Variants in SNAPC1 observed in about 807,000 individuals in gnomAD.
SNAPC1 encodes the protein snRNA-activating protein complex subunit 1.
A neutral mutation model predicts 50.1 loss-of-function variants in SNAPC1; 42 were observed. That is an observed-to-expected ratio of 0.84 (90% confidence interval 0.65 to 1.08). SNAPC1 has a LOEUF of 1.08. Ranked by LOEUF, SNAPC1 falls within the 50% of genes least tolerant of loss-of-function variation. The pLI, the probability that SNAPC1 is intolerant of heterozygous loss-of-function variation, is 0.00. For missense variants in SNAPC1, 477 were observed against 427.3 expected, an observed-to-expected ratio of 1.12 and a Z score of -1.02; for synonymous variants, 164 against 144.2, an observed-to-expected ratio of 1.14 and a Z score of -0.98.
At chr14:61,768,478 T>C (rs1207588713) in intron 3 of SNAPC1, among the ~76,000 whole-genome samples, 158 bp from the exon 4 acceptor site, 4 of 152,208 alleles carry the variant, frequency 2.6e-5, no homozygotes, top group Non-Finnish European at 5.9e-5. Flanking sequence ...AGTCTAACAG[T>C]CTTTGGAACG....
chr14:61,767,868 C>T (rs2044960381), intron 3 of SNAPC1, among the ~76,000 whole-genome samples: 1 of 152,210 alleles, frequency 6.6e-6, no homozygotes, highest in African/African-American at 2.4e-5. Flanking sequence ...CAACCTCCGC[C>T]TCCAGGGTTC....
At position 61,778,873 on chromosome 14, in the gene SNAPC1, C is replaced by T. The variant is rs762346560; in HGVS notation, c.788C>T (p.Ala263Val). 5.8e-6 allele frequency: 9 copies of T among 1,555,062 alleles called. No homozygotes were observed. Among genetic ancestry groups the T allele is most frequent in the South Asian group, 1.2e-5 (1 of 80,836 alleles). The change falls in exon 7 of 10, where the codon GCG (alanine) becomes GTG (valine). Residue 263 changes from alanine (A) to valine (V), a missense_variant. Physicochemically the swap from Ala to Val is moderately conservative, Grantham distance 64 (BLOSUM62 0). Coordinates refer to ENST00000216294, the MANE Select transcript of SNAPC1 (RefSeq NM_003082.4). ...AGATGTGAAAGGGCAGAATCATTAG[C>T]GAAAATAAAATCAAAGGCCTTTTCA... ...TERCERAESL[A>V]KIKSKAFSVV...
At chr14:61,776,343 G>A (rs2045035396) in intron 5 of SNAPC1, 90 bp downstream of exon 5, 1 of 1,188,500 alleles carries the variant, frequency 8.4e-7, no homozygotes, top group Non-Finnish European at 1.2e-6. Context: ...CCTAGTTTTA[G>A]AGGCTGTAAT....
chr14:61,767,386 A>C, intron 3 of SNAPC1, 34 bp downstream of exon 3: 1 of 1,335,752 alleles, frequency 7.5e-7, no homozygotes, highest in Non-Finnish European at 9.9e-7. Context: ...TTTTTTCAAA[A>C]TGAGCAATTA....
chr14:61,763,832 A>G (rs1285225614), intron 1 of SNAPC1, among the ~76,000 whole-genome samples: 1 of 152,228 alleles, frequency 6.6e-6, no homozygotes, highest in East Asian at 1.9e-4. Context: ...TTGAGTTTCC[A>G]TATCTGTAAA....
rs1468486702 is a variant in SNAPC1, at chr14:61,778,874, G to A, written c.789G>A (p.Ala263=). 7 of 1,558,288 alleles carry A rather than the reference G, an allele frequency of 4.5e-6. No homozygotes were observed. The highest frequency in any genetic ancestry group is 2.4e-5 in the East Asian group (1 of 41,676). Residue 263 remains alanine (A), a synonymous_variant, in exon 7 of 10, where the codon GCG becomes GCA. Coordinates refer to ENST00000216294, the MANE Select transcript of SNAPC1 (RefSeq NM_003082.4). ...GATGTGAAAGGGCAGAATCATTAGC[G>A]AAAATAAAATCAAAGGCCTTTTCAG... ...TERCERAESL[A]KIKSKAFSVV... is the part of the protein sequence containing the mutation.
chr14:61,780,531 C>T (rs10147716), intron 7 of SNAPC1, among the ~76,000 whole-genome samples: 22,456 of 152,054 alleles, frequency 0.15, 2,014 homozygotes, highest in South Asian at 0.32. Context: ...CGTTTTTTAA[C>T]GGGGTGGTTT....
chr14:61,784,122 A>G (rs949964515), intron 8 of SNAPC1, among the ~76,000 whole-genome samples: 1 of 152,128 alleles, frequency 6.6e-6, no homozygotes, highest in African/African-American at 2.4e-5. Flanking sequence ...CAGTAGCTTG[A>G]AGTGCACTGA....
At chr14:61,789,954 G>C (rs1280999532) in intron 8 of SNAPC1, among the ~76,000 whole-genome samples, 1 of 152,162 alleles carries the variant, frequency 6.6e-6, no homozygotes, top group Non-Finnish European at 1.5e-5. Context: ...GGAGTAACGA[G>C]CGTGTGCCAC....
chr14:61,770,228 C>T (rs2044977550), intron 4 of SNAPC1, among the ~76,000 whole-genome samples: 1 of 145,064 alleles, frequency 6.9e-6, no homozygotes, highest in African/African-American at 2.6e-5. Flanking sequence ...TAGATGCCCC[C>T]ATGTTCTTTT....
chr14:61,781,614 AC>A (rs200609784), intron 7 of SNAPC1, among the ~76,000 whole-genome samples: 28,493 of 152,132 alleles, frequency 0.19, 2,913 homozygotes, highest in African/African-American at 0.26. Context: ...TGTGTCGCAG[AC>A]AAAGCTATCA....
At position 61,767,352 on chromosome 14, in the gene SNAPC1, G is replaced by A; in HGVS notation, c.429G>A (p.Leu143=). The change falls in exon 3 of 10, where the codon TTG becomes TTA. Residue 143 remains leucine, a splice_region_variant and synonymous_variant. Transcript: ENST00000216294. The part of the protein sequence containing the change: ...RAFHFTAMPK[L]LSYRMKKKIH... ...TTCACTTTACAGCAATGCCCAAATT[G>A]GTATGTTGCCTAAAATAATTTGGTT... 6.2e-6 allele frequency: 9 copies of A among 1,447,952 alleles called. No individual in the cohort carries two copies. The highest frequency in any genetic ancestry group is 3.1e-5 in the South Asian group (2 of 65,180). 89.7% of individuals were successfully genotyped at this position (1,447,952 alleles called of 1,614,324 possible).
chr14:61,794,052 G>T (rs2045171270), intron 9 of SNAPC1, among the ~76,000 whole-genome samples: 1 of 152,136 alleles, frequency 6.6e-6, no homozygotes, highest in South Asian at 2.1e-4. Context: ...TTAGGTTCGT[G>T]CTGTTTCTAG....
chr14:61,774,532 A>G (rs964522126), intron 4 of SNAPC1, among the ~76,000 whole-genome samples: 1 of 151,896 alleles, frequency 6.6e-6, no homozygotes, highest in Non-Finnish European at 1.5e-5. Context: ...AAAAATAATG[A>G]GAGTATAGCC....
intron 4 of SNAPC1, among the ~76,000 whole-genome samples, chr14:61,773,373 T>TGCAGAGAAG (rs1295756430): frequency 6.6e-6 from 1 of 151,342 alleles, no homozygotes; most frequent in Admixed American, 6.6e-5. Context: ...ATAGTAACCC[T>TGCAGAGAAG]GCAGAGAAGG....
chr14:61,782,194 A>G (rs2045080099), intron 7 of SNAPC1, 53 bp from the exon 8 acceptor site: 2 of 1,305,818 alleles, frequency 1.5e-6, no homozygotes, highest in Non-Finnish European at 2.1e-6. Context: ...TCTCAATTTT[A>G]TCATTTGGAT....
Position 61,795,416 on chromosome 14 carries a change from ATT to A in SNAPC1, c.*435_*436del, listed in dbSNP as rs2045182397. On this transcript the variant is annotated 3_prime_UTR_variant, in exon 10 of 10. Coordinates refer to ENST00000216294, the MANE Select transcript of SNAPC1 (RefSeq NM_003082.4). The stretch of plus-strand genomic sequence containing the variant: ...GGATAATGGATTTTTTATTTTGTAT[ATT>A]TATTCTATTTTGTATATTGTTAAGT... 1.3e-5 allele frequency: 2 copies of A among 152,350 alleles called. No homozygotes were observed. Among genetic ancestry groups the A allele is most frequent in the African/African-American group, 4.8e-5 (2 of 41,344 alleles). The allele number at this position is 152,350 out of a possible 1,614,324, so 9.4% of individuals were successfully genotyped here. A position where few individuals can be genotyped will look rare whatever the true frequency, so the allele number is the denominator to read the frequency against.
intron 9 of SNAPC1, among the ~76,000 whole-genome samples, chr14:61,793,842 G>A (rs2045169821): frequency 6.6e-6 from 1 of 151,868 alleles, no homozygotes; most frequent in African/African-American, 2.4e-5. Flanking sequence ...TTTTTGTAGA[G>A]ATGGGGTTTC....
chr14:61,782,428 CA>C, intron 8 of SNAPC1, 31 bp downstream of exon 8: 1 of 1,560,432 alleles, frequency 6.4e-7, no homozygotes. Context: ...TAAGATTCAA[CA>C]AAGGAGAATG....
Sources: allele counts gnomAD v4.1 joint callset (sites outside exome capture counted in the v4.1 genomes callset), GRCh38; gene constraint gnomAD v4.1.1; transcripts MANE v1.5; gene names NCBI Gene and HGNC (gene_info 2026-07-23, HGNC 2026-07-21).